Variants in ARHGEF7 observed in about 807,000 individuals in gnomAD.
ARHGEF7 encodes PAK-interacting exchange factor beta.
ARHGEF7 carries 33 observed loss-of-function variants against 109.8 expected under a neutral mutation model. That is an observed-to-expected ratio of 0.30 (90% CI 0.23 to 0.40). The LOEUF is 0.40. ARHGEF7 is among the 10% of genes least tolerant of loss of function. The probability of loss-of-function intolerance (pLI) is 1.00; values close to 1 mark genes in which losing one functional copy is unlikely to be tolerated. For missense variants in ARHGEF7, 938 were observed against 1,098.5 expected, an observed-to-expected ratio of 0.85 and a Z score of 2.07; for synonymous variants, 458 against 424.6, an observed-to-expected ratio of 1.08 and a Z score of -0.97.
chr13:111,204,767 G>C (rs1261276475), intron 2 of ARHGEF7, among the ~76,000 whole-genome samples: 2 of 152,098 alleles, frequency 1.3e-5, no homozygotes, highest in Non-Finnish European at 2.9e-5. Context: ...TTCCTATCTG[G>C]GATCTGCTTC....
chr13:111,153,696 G>A (rs2076048171), intron 1 of ARHGEF7: 2 of 1,306,668 alleles, frequency 1.5e-6, no homozygotes, highest in African/African-American at 1.6e-5. Context: ...GCAGAGATTG[G>A]TGCAGCCCCG....
intron 2 of ARHGEF7, among the ~76,000 whole-genome samples, chr13:111,165,578 G>A (rs756373767): frequency 1.3e-5 from 2 of 152,132 alleles, no homozygotes; most frequent in Non-Finnish European, 2.9e-5. Context: ...AAGCGTTCTG[G>A]TTTGTTTATC....
chr13:111,282,871 T>G, intron 15 of ARHGEF7: 1 of 553,908 alleles, frequency 1.8e-6, no homozygotes, highest in Admixed American at 3.4e-5. Flanking sequence ...GTGGATGTCT[T>G]TTGAGTGCTG....
chr13:111,288,660 G>A (rs111663865), intron 18 of ARHGEF7, among the ~76,000 whole-genome samples: 3 of 133,134 alleles, frequency 2.3e-5, no homozygotes, highest in African/African-American at 7.8e-5. Flanking sequence ...CACAATTGCT[G>A]TGTGATTTTC....
intron 16 of ARHGEF7, 83 bp downstream of exon 16, chr13:111,283,446 G>T (rs532286805): frequency 2.0e-6 from 3 of 1,488,304 alleles, no homozygotes; most frequent in Non-Finnish European, 2.7e-6. Flanking sequence ...TGGGCCTTCT[G>T]TGTACAGCAA....
chr13:111,153,672 T>C, intron 1 of ARHGEF7: 1 of 1,237,530 alleles, frequency 8.1e-7, no homozygotes, highest in Non-Finnish European at 1.0e-6. Context: ...GCTCACTTCC[T>C]GGTGCGGGAA....
chr13:111,225,348 A>G (rs999482909), intron 5 of ARHGEF7, among the ~76,000 whole-genome samples: 5 of 152,156 alleles, frequency 3.3e-5, no homozygotes, highest in Non-Finnish European at 1.5e-5. Flanking sequence ...CATGTGGGGA[A>G]GAGCACAGGC....
At chr13:111,153,379 G>A (rs918644943) in intron 1 of ARHGEF7, among the ~76,000 whole-genome samples, 2 of 152,140 alleles carry the variant, frequency 1.3e-5, no homozygotes, top group Non-Finnish European at 2.9e-5. Context: ...AGGACCTGGA[G>A]CAGGGAGGAG....
intron 2 of ARHGEF7, among the ~76,000 whole-genome samples, chr13:111,184,172 C>A (rs1247605747): frequency 6.6e-6 from 1 of 152,174 alleles, no homozygotes; most frequent in Admixed American, 6.5e-5. Context: ...CCTGCTTTGC[C>A]TGGCACTCAT....
rs114905421 is a variant in ARHGEF7 at position 111,287,391 on chromosome 13, G to A, written c.2045-963G>A. ...AGATCCAGGGGCAGCACTGAGCTGG[G>A]CCGGGGGCCGGCTGCAGCTGAGACC... On this transcript the variant is annotated intron_variant, in intron 17 of 21. Coordinates refer to ENST00000646102, the MANE Select transcript of ARHGEF7 (RefSeq NM_001354046.2). Among the ~76,000 whole-genome samples the A allele has an allele frequency of 9.5e-3, 1,441 of 152,358 alleles. 17 individuals carry two copies. Among genetic ancestry groups the A allele is most frequent in the African/African-American group, 0.033 (1,369 of 41,578 alleles).
intron 12 of ARHGEF7, among the ~76,000 whole-genome samples, chr13:111,277,200 A>C (rs1490021939): frequency 6.6e-6 from 1 of 152,252 alleles, no homozygotes; most frequent in Non-Finnish European, 1.5e-5. Flanking sequence ...CAGAAAAAGA[A>C]AATTTTAGCT....
intron 4 of ARHGEF7, among the ~76,000 whole-genome samples, chr13:111,212,519 A>G (rs2082626117): frequency 6.6e-6 from 1 of 152,154 alleles, no homozygotes; most frequent in African/African-American, 2.4e-5. Flanking sequence ...TGAGTGCTGA[A>G]TGCTGTTCTC....
At chr13:111,205,518 G>T in intron 3 of ARHGEF7, 145 bp downstream of exon 3, 1 of 567,726 alleles carries the variant, frequency 1.8e-6, no homozygotes. Flanking sequence ...TGTTCCTTTT[G>T]CTGTGATATT....
chr13:111,299,195 G>C (rs1240848122), intron 19 of ARHGEF7, among the ~76,000 whole-genome samples: 1 of 152,188 alleles, frequency 6.6e-6, no homozygotes, highest in African/African-American at 2.4e-5. Context: ...CCTGGTTCCT[G>C]TTGCACGCTG....
At chr13:111,302,811 C>T (rs188971790) in intron 21 of ARHGEF7, among the ~76,000 whole-genome samples, 180 bp from the exon 22 acceptor site, 4 of 152,282 alleles carry the variant, frequency 2.6e-5, no homozygotes, top group African/African-American at 4.8e-5. Context: ...TCAGGAGCAC[C>T]GCTGCCACCC....
chr13:111,133,028 A>G lies in ARHGEF7; in HGVS notation c.165+17337A>G, dbSNP rs924359128. Among the ~76,000 whole-genome samples, 22 of 152,226 alleles carry G rather than the reference A, an allele frequency of 1.4e-4. No individual in the cohort carries two copies. In the East Asian group the frequency reaches 4.2e-3, roughly 29 times the overall value. ...TACATATTTATATATACACATGCAC[A>G]GATATACACATGCATATACACATAT... is the stretch of plus-strand genomic sequence containing the variant. On this transcript the variant is annotated intron_variant, in intron 1 of 21. Transcript: ENST00000646102.
rs1367802377 is a variant in ARHGEF7, at chr13:111,273,294, C to A, written c.1074-520C>A. On this transcript the variant is annotated intron_variant, in intron 9 of 21. Coordinates refer to ENST00000646102, the MANE Select transcript of ARHGEF7 (RefSeq NM_001354046.2). This position sits in a 1 kb window ranked among gnomAD's most constrained non-coding sequence, Gnocchi z 4.5. ...CTCTCTTCTCTTGCTGCTTCTCGTG[C>A]TCCTCACCCCAAGAGCCATTGCCTA... is the stretch of plus-strand genomic sequence containing the variant. Among the ~76,000 whole-genome samples the A allele has an allele frequency of 6.6e-6, 1 of 152,230 alleles. No individual in the cohort carries two copies. Among genetic ancestry groups the A allele is most frequent in the Non-Finnish European group, 1.5e-5 (1 of 68,044 alleles).
chr13:111,301,298 G>T (rs12870854), intron 20 of ARHGEF7, among the ~76,000 whole-genome samples, 180 bp from the exon 21 acceptor site: 1 of 152,238 alleles, frequency 6.6e-6, no homozygotes, highest in Admixed American at 6.5e-5. Context: ...CCCTTGACTA[G>T]GCTTGAACCT....
chr13:111,193,610 C>T (rs973507162), intron 2 of ARHGEF7, among the ~76,000 whole-genome samples: 1 of 152,154 alleles, frequency 6.6e-6, no homozygotes, highest in African/African-American at 2.4e-5. Context: ...ATTCTTTTTC[C>T]CTTTCCCAAT....
Sources: allele counts gnomAD v4.1 joint callset (sites outside exome capture counted in the v4.1 genomes callset), GRCh38; gene constraint gnomAD v4.1.1; non-coding constraint Gnocchi (gnomAD v3.1); transcripts MANE v1.5; gene names NCBI Gene and HGNC (gene_info 2026-07-23, HGNC 2026-07-21).